Variants in NME7 observed in about 807,000 individuals in gnomAD.
The protein encoded by NME7 is NME/NM23 family member 7, also known as nucleoside diphosphate kinase 7.
A neutral mutation model predicts 49.1 loss-of-function variants in NME7; 41 were observed. The ratio of observed to expected loss-of-function variants is 0.83; its 90% CI spans 0.65 to 1.08. The LOEUF is 1.08. Among genes scored for constraint, NME7 ranks in the 50% least tolerant of loss-of-function variants. NME7 has a pLI of 0.00. For synonymous variants in NME7, 139 were observed against 150.6 expected, an observed-to-expected ratio of 0.92 and a Z score of 0.56; for missense variants, 423 against 463.4, an observed-to-expected ratio of 0.91 and a Z score of 0.80.
intron 10 of NME7, among the ~76,000 whole-genome samples, chr1:169,188,807 T>C (rs1342043645): frequency 6.6e-6 from 1 of 152,188 alleles, no homozygotes; most frequent in Non-Finnish European, 1.5e-5. Context: ...GGTGATACCA[T>C]AAGCATCTTA....
At chr1:169,174,840 G>C (rs1176065210) in intron 10 of NME7, among the ~76,000 whole-genome samples, 1 of 152,152 alleles carries the variant, frequency 6.6e-6, no homozygotes, top group Non-Finnish European at 1.5e-5. Context: ...GTGAGTGAGT[G>C]GTGAGTGAGT....
chr1:169,158,826 A>G (rs1659159289), intron 11 of NME7, among the ~76,000 whole-genome samples: 1 of 152,006 alleles, frequency 6.6e-6, no homozygotes, highest in Admixed American at 6.6e-5. Flanking sequence ...GCTGTTCTGG[A>G]GCAGGGGAGG....
chr1:169,300,891 A>G (rs1650910100), intron 5 of NME7, among the ~76,000 whole-genome samples: 1 of 152,136 alleles, frequency 6.6e-6, no homozygotes, highest in South Asian at 2.1e-4. Context: ...TAAGCAGAAG[A>G]AAGAAACTGG....
At chr1:169,293,015 G>T (rs1385111339) in intron 6 of NME7, among the ~76,000 whole-genome samples, 1 of 152,086 alleles carries the variant, frequency 6.6e-6, no homozygotes, top group African/African-American at 2.4e-5. Context: ...ATCAGTGCAG[G>T]CTGGGCATGA....
Position 169,343,016 on chromosome 1 carries a change from C to CAT in NME7, c.4-18518_4-18517dup, listed in dbSNP as rs1377546794. On this transcript the variant is annotated intron_variant, in intron 1 of 11. Coordinates refer to ENST00000367811, the MANE Select transcript of NME7 (RefSeq NM_013330.5). ...GTATTAGTATATATATATATATATG[C>CAT]ATATATATATATACATACCTGTGTC... Among the ~76,000 whole-genome samples the CAT allele has an allele frequency of 2.3e-4, 25 of 107,612 alleles. 2 individuals carry two copies. The highest frequency in any genetic ancestry group is 3.2e-4 in the Non-Finnish European group (17 of 52,754). 70.6% of individuals were successfully genotyped at this position (107,612 alleles called of 152,430 possible).
intron 1 of NME7, among the ~76,000 whole-genome samples, chr1:169,337,634 C>T (rs963581249): frequency 3.9e-5 from 6 of 152,230 alleles, no homozygotes; most frequent in African/African-American, 1.4e-4. Flanking sequence ...AGCATGCTGT[C>T]ACCTCTCAAT....
intron 7 of NME7, among the ~76,000 whole-genome samples, chr1:169,238,835 C>T (rs945139788): frequency 4.6e-5 from 7 of 151,992 alleles, no homozygotes; most frequent in African/African-American, 1.4e-4. Context: ...ACTATATTCA[C>T]GTTAAGCTTG....
At chr1:169,337,427 C>T (rs147043047) in intron 1 of NME7, among the ~76,000 whole-genome samples, 204 of 152,338 alleles carry the variant, frequency 1.3e-3, no homozygotes, top group African/African-American at 4.6e-3. Flanking sequence ...CCGCAAGCGC[C>T]GCACACAGCC....
chr1:169,315,127 G>C (rs1651566254), intron 3 of NME7, among the ~76,000 whole-genome samples: 1 of 151,992 alleles, frequency 6.6e-6, no homozygotes, highest in Non-Finnish European at 1.5e-5. Flanking sequence ...GCAATTGATA[G>C]AATAAGCTGC....
In NME7 at chr1:169,366,086, T is replaced by G. The variant is rs151145826; in HGVS notation, c.3+1622A>C. On this transcript the variant is annotated intron_variant, in intron 1 of 11. Transcript: ENST00000367811. ...AAATTTAGAAGCAAAATCAAAGGTGTTAGTAGAATCCATGTGAGTGGACAA... is the reference window on the plus strand; with the variant it reads ...AAATTTAGAAGCAAAATCAAAGGTGGTAGTAGAATCCATGTGAGTGGACAA... 4.7e-3 allele frequency among the ~76,000 whole-genome samples: 708 copies of G among 152,220 alleles called. 6 individuals are homozygous for G. Among genetic ancestry groups the G allele is most frequent in the Admixed American group, 7.8e-3 (119 of 15,290 alleles).
intron 7 of NME7, among the ~76,000 whole-genome samples, chr1:169,242,642 T>C (rs1648138519): frequency 6.6e-6 from 1 of 151,580 alleles, no homozygotes; most frequent in South Asian, 2.1e-4. Context: ...CTGTCTCTAT[T>C]TGTATATGAC....
intron 7 of NME7, among the ~76,000 whole-genome samples, chr1:169,248,698 G>T (rs1648425059): frequency 6.6e-6 from 1 of 152,030 alleles, no homozygotes; most frequent in African/African-American, 2.4e-5. Flanking sequence ...TCTACATGTG[G>T]TTATCCAGTT....
chr1:169,223,364 A>C (rs930704803), intron 10 of NME7, among the ~76,000 whole-genome samples: 1 of 150,834 alleles, frequency 6.6e-6, no homozygotes, highest in Non-Finnish European at 1.5e-5. Flanking sequence ...GTTTTTTTTT[A>C]ATTAATAAAT....
chr1:169,134,758 T>C (rs889453159), intron 11 of NME7, among the ~76,000 whole-genome samples: 1 of 152,074 alleles, frequency 6.6e-6, no homozygotes, highest in East Asian at 1.9e-4. Context: ...AGCAGTAAAA[T>C]AAATTTGTTC....
chr1:169,364,775 T>C (rs938180170), intron 1 of NME7, among the ~76,000 whole-genome samples: 1 of 152,208 alleles, frequency 6.6e-6, no homozygotes, highest in African/African-American at 2.4e-5. Flanking sequence ...AGGATGGTAA[T>C]AGTCCCTTCC....
intron 7 of NME7, among the ~76,000 whole-genome samples, chr1:169,275,501 A>G (rs1649675666): frequency 1.6e-5 from 2 of 123,484 alleles, no homozygotes; most frequent in African/African-American, 5.3e-5. Flanking sequence ...AAAAAAAAAA[A>G]AAAAGAATGC....
intron 7 of NME7, among the ~76,000 whole-genome samples, chr1:169,251,457 G>A (rs573582848): frequency 7.9e-5 from 12 of 151,056 alleles, no homozygotes; most frequent in Non-Finnish European, 1.5e-5. Flanking sequence ...TTTAAGTGGA[G>A]AATTTAAGCA....
At chr1:169,329,728 G>A (rs1437150199) in intron 1 of NME7, among the ~76,000 whole-genome samples, 2 of 152,082 alleles carry the variant, frequency 1.3e-5, no homozygotes, top group Non-Finnish European at 2.9e-5. Flanking sequence ...TAAGTTATTG[G>A]TCTTAAAGAA....
chr1:169,313,912 T>C (rs1651508810), intron 3 of NME7, among the ~76,000 whole-genome samples: 2 of 152,094 alleles, frequency 1.3e-5, no homozygotes, highest in Admixed American at 1.3e-4. Flanking sequence ...TTAGAATATC[T>C]TGTGATGAAA....
Sources: gnomAD v4.1 joint callset for allele counts (sites outside exome capture counted in the v4.1 genomes callset) on GRCh38, gnomAD v4.1.1 for gene constraint, MANE v1.5 for transcripts, NCBI Gene and HGNC (gene_info 2026-07-23, HGNC 2026-07-21) for gene names.